The following VWA5B1 variants were observed in gnomAD, a reference collection of about 807,000 sequenced individuals.
VWA5B1 encodes the protein von Willebrand factor A domain containing 5B1.
VWA5B1 carries 115 observed loss-of-function variants against 118.2 expected under a neutral mutation model. The observed-to-expected ratio is 0.97, with a 90% confidence interval of 0.84 to 1.14. The LOEUF (loss-of-function observed/expected upper bound fraction) is 1.14. VWA5B1 is among the 50% of genes most tolerant of loss of function. The pLI is 0.00. For missense variants in VWA5B1, 1,596 were observed against 1,603.8 expected, an observed-to-expected ratio of 1.00 and a Z score of 0.08; for synonymous variants, 682 against 658.4, an observed-to-expected ratio of 1.04 and a Z score of -0.55.
At chr1:20,346,882 TC>T (rs1380807977) in intron 17 of VWA5B1, among the ~76,000 whole-genome samples, 2 of 152,216 alleles carry the variant, frequency 1.3e-5, no homozygotes, top group African/African-American at 4.8e-5. Context: ...GTCCCCCTTT[TC>T]TTATCTGTGG....
At chr1:20,353,013 G>A (rs2101027707) in intron 21 of VWA5B1, among the ~76,000 whole-genome samples, 1 of 152,266 alleles carries the variant, frequency 6.6e-6, no homozygotes, top group South Asian at 2.1e-4. Context: ...TGGTTTGGTT[G>A]GGGAGTACAG....
rs533320307 is a variant in VWA5B1, at chr1:20,345,050, T to G, written c.2627-406T>G. 7.9e-5 allele frequency among the ~76,000 whole-genome samples: 12 copies of G among 152,342 alleles called. No individual in the cohort carries two copies. The East Asian group carries it at 2.3e-3, about 29-fold the overall frequency. On this transcript the variant is annotated intron_variant, in intron 16 of 21. Coordinates refer to ENST00000289815, the MANE Select transcript of VWA5B1 (RefSeq NM_001039500.3). The stretch of plus-strand genomic sequence containing the variant: ...GTCCTCAGCAGTTAAATGGGTCAGA[T>G]AAGTGGTCCCCACCCACCAGCCAGG...
At chr1:20,348,439 C>G in intron 18 of VWA5B1, 81 bp downstream of exon 18, 1 of 1,420,992 alleles carries the variant, frequency 7.0e-7, no homozygotes, top group Non-Finnish European at 9.7e-7. Flanking sequence ...TCCTCCTGTC[C>G]GAGGCCCTAG....
chr1:20,319,573 C>T (rs2089141738), intron 7 of VWA5B1, 67 bp downstream of exon 7: 2 of 1,539,808 alleles, frequency 1.3e-6, no homozygotes, highest in Non-Finnish European at 1.8e-6. Context: ...CTGGTCTCCA[C>T]TGAACAAGTG....
intron 1 of VWA5B1, among the ~76,000 whole-genome samples, chr1:20,297,923 A>C (rs982433275): frequency 6.7e-6 from 1 of 148,192 alleles, no homozygotes; most frequent in Admixed American, 6.7e-5. Flanking sequence ...TGGATGTGAA[A>C]GTGCTTTAAT....
intron 20 of VWA5B1, 73 bp from the exon 21 acceptor site, chr1:20,351,982 C>A: frequency 1.6e-6 from 2 of 1,232,280 alleles, no homozygotes; most frequent in Non-Finnish European, 2.3e-6. Flanking sequence ...TCCTTCTGAC[C>A]CTGACTTTCA....
intron 18 of VWA5B1, 145 bp downstream of exon 18, chr1:20,348,503 T>C: frequency 2.5e-6 from 2 of 815,538 alleles, no homozygotes; most frequent in Middle Eastern, 2.5e-4. Flanking sequence ...GCAAAGCCAG[T>C]CCTCCCAGGC....
At chr1:20,353,082 G>A (rs972540826) in intron 21 of VWA5B1, among the ~76,000 whole-genome samples, 11 of 152,262 alleles carry the variant, frequency 7.2e-5, no homozygotes, top group Admixed American at 6.5e-5. Flanking sequence ...ATGACTTCTT[G>A]GAGAAGGTCA....
chr1:20,290,960 G>A lies in VWA5B1; in HGVS notation c.-155G>A, dbSNP rs980416295. ...TGATCAAGCCAGCTGCCAGGGCAGC[G>A]GGCGCAGGGCTTGGGCACTGGAGCC... On this transcript the variant is annotated 5_prime_UTR_variant, in exon 1 of 22. Coordinates refer to ENST00000289815, the MANE Select transcript of VWA5B1 (RefSeq NM_001039500.3). 1 of 152,126 alleles carries A rather than the reference G, an allele frequency of 6.6e-6. No homozygotes were observed. Among genetic ancestry groups the A allele is most frequent in the African/African-American group, 2.4e-5 (1 of 41,440 alleles). The allele number at this position is 152,126 out of a possible 1,614,324, so 9.4% of individuals were successfully genotyped here.
intron 1 of VWA5B1, among the ~76,000 whole-genome samples, chr1:20,291,339 C>CTTTCTTTCTTTCTT (rs1553192739): frequency 2.2e-5 from 3 of 135,022 alleles, no homozygotes; most frequent in African/African-American, 8.7e-5. Context: ...CTCTCTCTCT[C>CTTTCTTTCTTTCTT]TCTTTCTTTC....
At chr1:20,315,789 G>A (rs114282457) in intron 4 of VWA5B1, among the ~76,000 whole-genome samples, 350 of 152,346 alleles carry the variant, frequency 2.3e-3, no homozygotes, top group African/African-American at 8.2e-3. Flanking sequence ...GGAACGTGCA[G>A]GGCCTTGAAG....
chr1:20,353,846 G>T lies in VWA5B1; in HGVS notation c.3231G>T (p.Thr1077=), dbSNP rs956708063. Reference sequence around the variant, plus strand: ...TCCCCATGGAGAAGCTCAAGTGGACGTCCCCCTTCACCTGCCATCGAGTGT... The same window carrying T: ...TCCCCATGGAGAAGCTCAAGTGGACTTCCCCCTTCACCTGCCATCGAGTGT... The part of the protein sequence containing the change: ...THIPMEKLKW[T]SPFTCHRVSL... Residue 1077 remains threonine, a synonymous_variant, in exon 22 of 22, where the codon ACG becomes ACT. Coordinates refer to ENST00000289815, the MANE Select transcript of VWA5B1 (RefSeq NM_001039500.3). 6.5e-7 allele frequency: 1 copy of T among 1,532,292 alleles called. No individual in the cohort carries two copies. Among genetic ancestry groups the T allele is most frequent in the Non-Finnish European group, 8.8e-7 (1 of 1,137,540 alleles). The allele number at this position is 1,532,292 out of a possible 1,614,324, so 94.9% of individuals were successfully genotyped here.
In VWA5B1 at chr1:20,348,378, T is replaced by A; in HGVS notation, c.2878+20T>A. 1 of 1,551,228 alleles carries A rather than the reference T, an allele frequency of 6.4e-7. No individual in the cohort carries two copies. Among genetic ancestry groups the A allele is most frequent in the Non-Finnish European group, 8.7e-7 (1 of 1,146,826 alleles). On this transcript the variant is annotated intron_variant, in intron 18 of 21. Coordinates refer to ENST00000289815, the MANE Select transcript of VWA5B1 (RefSeq NM_001039500.3). ...GAAATGGTAAATTTCAGGCCCTAAG[T>A]AAGAGCCACCCTGGGCACTTTCGGA... is the stretch of plus-strand genomic sequence containing the variant.
At chr1:20,345,936 T>A (rs978726473) in intron 17 of VWA5B1, among the ~76,000 whole-genome samples, 1 of 152,204 alleles carries the variant, frequency 6.6e-6, no homozygotes, top group Non-Finnish European at 1.5e-5. Context: ...AGACCAACAG[T>A]CATCCAGGAG....
chr1:20,311,871 T>C (rs2088859723), intron 2 of VWA5B1, among the ~76,000 whole-genome samples: 1 of 152,196 alleles, frequency 6.6e-6, no homozygotes, highest in African/African-American at 2.4e-5. Flanking sequence ...GCCCTGTTCC[T>C]CTGTTCAAGG....
intron 18 of VWA5B1, 76 bp from the exon 19 acceptor site, chr1:20,350,079 GA>G: frequency 7.0e-7 from 1 of 1,429,884 alleles, no homozygotes; most frequent in Non-Finnish European, 9.6e-7. Flanking sequence ...CCGTGAATTA[GA>G]CCATTGCTCT....
intron 9 of VWA5B1, among the ~76,000 whole-genome samples, chr1:20,329,700 T>C (rs914537920): frequency 2.6e-5 from 4 of 152,150 alleles, no homozygotes; most frequent in Non-Finnish European, 5.9e-5. Flanking sequence ...CCTTGGCCAG[T>C]TGGGACCCAC....
rs548189282 is a variant in VWA5B1, at chr1:20,347,524, C to G, written c.2765-721C>G. ...ACACAATCACAGCTCACTGCAATCT[C>G]TAACTCTTGGACTCAAGTGATCCTC... On this transcript the variant is annotated intron_variant, in intron 17 of 21. Transcript: ENST00000289815. Among the ~76,000 whole-genome samples, 8 of 152,220 alleles carry G rather than the reference C, an allele frequency of 5.3e-5. No homozygotes were observed. The East Asian group carries it at 1.5e-3, about 29-fold the overall frequency.
In VWA5B1 at chr1:20,356,682, G is replaced by A. The variant is rs1254474015; in HGVS notation, c.*2419G>A. Among the ~76,000 whole-genome samples, 1 of 152,216 alleles carries A rather than the reference G, an allele frequency of 6.6e-6. No homozygotes were observed. ...TCAGACTGCTCCCGCACCGGCCACT[G>A]GAGCTCTGCAACATGTTTGAGGCCC... On this transcript the variant is annotated 3_prime_UTR_variant, in exon 22 of 22. Transcript: ENST00000289815.
Sources: gnomAD v4.1 joint callset for allele counts (sites outside exome capture counted in the v4.1 genomes callset) on GRCh38, gnomAD v4.1.1 for gene constraint, MANE v1.5 for transcripts, NCBI Gene and HGNC (gene_info 2026-07-23, HGNC 2026-07-21) for gene names.